ZRANB3: variants seen among roughly 807,000 people sequenced by gnomAD.
ZRANB3 encodes the protein zinc finger RANBP2-type containing 3.
Under a neutral mutation model 133.8 loss-of-function variants are expected in ZRANB3, and 125 were observed. The observed-to-expected ratio is 0.93, with a 90% CI of 0.81 to 1.08. The LOEUF (loss-of-function observed/expected upper bound fraction) is 1.08, where lower values mean the gene tolerates loss of function less well. Ranked by LOEUF, ZRANB3 falls within the 50% of genes least tolerant of loss-of-function variation. The probability of loss-of-function intolerance (pLI) is 0.00; values close to 1 mark genes in which losing one functional copy is unlikely to be tolerated. For synonymous variants in ZRANB3, 387 were observed against 432.7 expected (o/e 0.89, Z 1.31); for missense variants, 1,229 against 1,275.5 (o/e 0.96, Z 0.56).
chr2:135,365,378 G>A (rs778444954), intron 3 of ZRANB3, among the ~76,000 whole-genome samples: 3 of 152,024 alleles, frequency 2.0e-5, no homozygotes, highest in Non-Finnish European at 2.9e-5. Context: ...GCACTGAAAG[G>A]GTATCTAATT....
chr2:135,350,501 T>C (rs566690168), intron 4 of ZRANB3, among the ~76,000 whole-genome samples: 1 of 152,346 alleles, frequency 6.6e-6, no homozygotes, highest in South Asian at 2.1e-4. Flanking sequence ...AATATTTGCT[T>C]CTATGCACCT....
At chr2:135,491,215 T>C (rs1692357180) in intron 2 of ZRANB3, among the ~76,000 whole-genome samples, 1 of 152,206 alleles carries the variant, frequency 6.6e-6, no homozygotes, top group South Asian at 2.1e-4. Flanking sequence ...ACTATTTAAA[T>C]AATCTGGTTT....
At chr2:135,296,654 C>G (rs1305863332) in intron 8 of ZRANB3, among the ~76,000 whole-genome samples, 1 of 152,138 alleles carries the variant, frequency 6.6e-6, no homozygotes, top group Non-Finnish European at 1.5e-5. Flanking sequence ...AGGAGAGGCG[C>G]TCTGATTTTT....
intron 3 of ZRANB3, among the ~76,000 whole-genome samples, chr2:135,377,943 A>G (rs1686500831): frequency 6.6e-6 from 1 of 152,144 alleles, no homozygotes; most frequent in African/African-American, 2.4e-5. Context: ...AGGCAGAAAA[A>G]TGTGAGAAGA....
At chr2:135,494,129 G>A in intron 2 of ZRANB3, among the ~76,000 whole-genome samples, 1 of 133,250 alleles carries the variant, frequency 7.5e-6, no homozygotes, top group Admixed American at 7.9e-5. Context: ...AGGAAGGGAG[G>A]GAGAGAGGGA....
At chr2:135,236,405 C>T (rs761462375) in intron 12 of ZRANB3, among the ~76,000 whole-genome samples, 21 of 152,042 alleles carry the variant, frequency 1.4e-4, no homozygotes, top group Middle Eastern at 6.8e-3. Context: ...ATCAAGCTAC[C>T]AATGACTTTC....
chr2:135,409,750 T>A (rs1558979957), intron 2 of ZRANB3, among the ~76,000 whole-genome samples: 1 of 152,194 alleles, frequency 6.6e-6, no homozygotes, highest in Non-Finnish European at 1.5e-5. Context: ...AAAAGACTCC[T>A]AGACCTGATA....
intron 1 of ZRANB3, chr2:135,511,684 T>C: frequency 1.3e-6 from 1 of 767,348 alleles, no homozygotes; most frequent in Non-Finnish European, 2.4e-6. Context: ...CACACCATCA[T>C]TTAGTGTGGC....
At chr2:135,295,298 T>C (rs200758492) in intron 8 of ZRANB3, among the ~76,000 whole-genome samples, 2 of 152,222 alleles carry the variant, frequency 1.3e-5, no homozygotes, top group Non-Finnish European at 2.9e-5. Context: ...TAGTTAGCTC[T>C]TCTTGTTGAA....
At chr2:135,380,797 A>G (rs1452144127) in intron 3 of ZRANB3, among the ~76,000 whole-genome samples, 1 of 152,212 alleles carries the variant, frequency 6.6e-6, no homozygotes, top group Non-Finnish European at 1.5e-5. Context: ...AGCAGAAGGC[A>G]AGAAATAACT....
chr2:135,430,627 A>G (rs1689280759), intron 2 of ZRANB3, among the ~76,000 whole-genome samples: 2 of 152,192 alleles, frequency 1.3e-5, no homozygotes, highest in African/African-American at 4.8e-5. Flanking sequence ...AGCTCTAAGT[A>G]GAGTTTTCTC....
chr2:135,515,060 G>A (rs974612464), intron 1 of ZRANB3, among the ~76,000 whole-genome samples: 5 of 151,994 alleles, frequency 3.3e-5, no homozygotes, highest in African/African-American at 1.2e-4. Context: ...GAGTATTTTC[G>A]TATCGATGTT....
At chr2:135,527,510 TGTACTCCAGCCTGGAAGACAGA>T (rs1192731840) in intron 1 of ZRANB3, among the ~76,000 whole-genome samples, 2 of 151,900 alleles carry the variant, frequency 1.3e-5, no homozygotes, top group Non-Finnish European at 2.9e-5. Context: ...AGTGAGCCAC[TGTACTCCAGCCTGGAAGACAGA>T]GCAAGACTCT....
chr2:135,461,301 GGCTCACGC>G, intron 2 of ZRANB3, among the ~76,000 whole-genome samples: 1 of 152,288 alleles, frequency 6.6e-6, no homozygotes, highest in Admixed American at 6.5e-5. Context: ...CAGGCACGGT[GGCTCACGC>G]CTGTAATCCC....
intron 2 of ZRANB3, among the ~76,000 whole-genome samples, chr2:135,490,391 G>T (rs755189819): frequency 6.6e-6 from 1 of 152,000 alleles, no homozygotes; most frequent in Non-Finnish European, 1.5e-5. Flanking sequence ...CTGCCAACAG[G>T]TATATTAAAA....
At chr2:135,454,591 C>T (rs558832137) in intron 2 of ZRANB3, among the ~76,000 whole-genome samples, 343 of 152,238 alleles carry the variant, frequency 2.3e-3, no homozygotes, top group African/African-American at 6.0e-3. Flanking sequence ...ACCCCCTTCC[C>T]ATCCTCCCCT....
chr2:135,465,255 A>T (rs1690931552), intron 2 of ZRANB3, among the ~76,000 whole-genome samples: 1 of 151,482 alleles, frequency 6.6e-6, no homozygotes, highest in Non-Finnish European at 1.5e-5. Flanking sequence ...TTTAAAGTTC[A>T]TGTAAACATT....
intron 3 of ZRANB3, among the ~76,000 whole-genome samples, chr2:135,371,766 TC>T (rs59352872): frequency 0.1 from 15,820 of 152,166 alleles, 1,089 homozygotes; most frequent in South Asian, 0.32. Context: ...ATGTTTTTTC[TC>T]CAAAAAATTC....
chr2:135,357,028 A>T (rs1350676591), intron 3 of ZRANB3, among the ~76,000 whole-genome samples: 1 of 152,078 alleles, frequency 6.6e-6, no homozygotes, highest in East Asian at 1.9e-4. Context: ...AATCTATTAC[A>T]TTCTTTTTAA....
Sources: gnomAD v4.1 joint callset for allele counts (sites outside exome capture counted in the v4.1 genomes callset) on GRCh38, gnomAD v4.1.1 for gene constraint, MANE v1.5 for transcripts, NCBI Gene and HGNC (gene_info 2026-07-23, HGNC 2026-07-21) for gene names.